The following TCIRG1 variants were observed in gnomAD, a reference collection of about 807,000 sequenced individuals.
TCIRG1 encodes V-type proton ATPase 116 kDa subunit a 3.
TCIRG1 carries 86 observed loss-of-function variants against 95.5 expected under a neutral mutation model. That is an observed-to-expected ratio of 0.90 (90% CI 0.76 to 1.08). The LOEUF is 1.08. TCIRG1 is among the 50% of genes least tolerant of loss of function. The probability of loss-of-function intolerance (pLI) is 0.00; values close to 1 mark genes in which losing one functional copy is unlikely to be tolerated. For synonymous variants in TCIRG1, 499 were observed against 501.3 expected, an observed-to-expected ratio of 1.00 and a Z score of 0.06; for missense variants, 1,069 against 1,140.2, an observed-to-expected ratio of 0.94 and a Z score of 0.90.
chr11:68,044,676 G>A (rs907417659), intron 9 of TCIRG1: 14 of 574,532 alleles, frequency 2.4e-5, no homozygotes, highest in South Asian at 1.2e-4. Context: ...GGGGTCACCC[G>A]CCGCGCACAG....
intron 9 of TCIRG1, chr11:68,044,713 CCTT>C: frequency 3.3e-6 from 2 of 607,346 alleles, no homozygotes; most frequent in South Asian, 3.9e-5. Context: ...AGGCTGGGCT[CCTT>C]CTCCTGGGCC....
downstream of TCIRG1, chr11:68,053,487 C>T (rs1469779927): frequency 2.6e-5 from 4 of 152,922 alleles, no homozygotes; most frequent in African/African-American, 9.6e-5. Flanking sequence ...CAGAGGCCAC[C>T]TTGCAGCAGT....
rs2134430618 is a variant in TCIRG1 at position 68,041,325 on chromosome 11, C to T, written c.54C>T (p.Pro18=). The T allele has an allele frequency of 6.2e-7, 1 of 1,613,262 alleles. No individual in the cohort carries two copies. The highest frequency in any genetic ancestry group is 2.2e-5 in the East Asian group (1 of 44,884). Residue 18 remains proline (P), a synonymous_variant, in exon 2 of 20, where the codon CCC becomes CCT. Transcript: ENST00000265686. ...EEVALVQLFL[P]TAAAYTCVSR... ...TGGCCCTGGTCCAGCTCTTTCTGCC[C>T]ACAGCGGCTGCCTACACCTGCGTGA...
Position 68,041,258 on chromosome 11 carries a change from C to G in TCIRG1, c.-4-10C>G, listed in dbSNP as rs781772977. The G allele has an allele frequency of 1.0e-5, 16 of 1,597,290 alleles. No homozygotes were observed. Among genetic ancestry groups the G allele is most frequent in the Admixed American group, 3.3e-5 (2 of 60,008 alleles). On this transcript the variant is annotated splice_polypyrimidine_tract_variant and intron_variant, in intron 1 of 19. Coordinates refer to ENST00000265686, the MANE Select transcript of TCIRG1 (RefSeq NM_006019.4). ...GCCCCTGACTGGCCCCCATCCGTGT[C>G]CACCCACAGGACCATGGGCTCCATG...
In TCIRG1 at chr11:68,050,040, G is replaced by C; in HGVS notation, c.2092G>C (p.Gly698Arg). 6.2e-7 allele frequency: 1 copy of C among 1,613,424 alleles called. No homozygotes were observed. The highest frequency in any genetic ancestry group is 1.1e-5 in the South Asian group (1 of 91,076). ...GAGCTCCGATGAGGAAAAGGCAGGGGGCCTGGATGATGAAGAGGAGGCCGA... is the reference window on the plus strand; with the variant it reads ...GAGCTCCGATGAGGAAAAGGCAGGGCGCCTGGATGATGAAGAGGAGGCCGA... The part of the protein sequence containing the change: ...GWSSDEEKAG[G>R]LDDEEEAELV... The change falls in exon 17 of 20, where the codon GGC becomes CGC. Residue 698 changes from glycine (G) to arginine (R), a missense_variant. Gly to Arg is a moderately radical substitution (Grantham distance 125, BLOSUM62 -2). Transcript: ENST00000265686.
At chr11:68,040,680 C>A (rs1196044251) in intron 1 of TCIRG1, among the ~76,000 whole-genome samples, 1 of 152,224 alleles carries the variant, frequency 6.6e-6, no homozygotes, top group Non-Finnish European at 1.5e-5. Context: ...CCCTTCCCCG[C>A]CATTCTGTAG....
At position 68,049,077 on chromosome 11, in the gene TCIRG1, C is replaced by T. The variant is rs1466108568; in HGVS notation, c.1674-4C>T. On this transcript the variant is annotated splice_region_variant and splice_polypyrimidine_tract_variant and intron_variant, in intron 14 of 19. Transcript: ENST00000265686. ...AGTGAGCACACCTCCCTCTTGCCCGCCAGGCACTTTGGCCAGAGGCACCGG... is the reference window on the plus strand; with the variant it reads ...AGTGAGCACACCTCCCTCTTGCCCGTCAGGCACTTTGGCCAGAGGCACCGG... The T allele has an allele frequency of 6.2e-7, 1 of 1,613,342 alleles. No homozygotes were observed. The highest frequency in any genetic ancestry group is 1.7e-5 in the Admixed American group (1 of 60,032).
At chr11:68,044,698 G>C in intron 9 of TCIRG1, 1 of 596,976 alleles carries the variant, frequency 1.7e-6, no homozygotes, top group Non-Finnish European at 3.0e-6. Context: ...AGGTGCTTGC[G>C]GGTGAGGCTG....
intron 10 of TCIRG1, among the ~76,000 whole-genome samples, chr11:68,045,778 C>T (rs1254796983): frequency 6.6e-6 from 1 of 152,164 alleles, no homozygotes; most frequent in Non-Finnish European, 1.5e-5. Flanking sequence ...GTCTTGAACC[C>T]CCGACCTCAC....
intron 2 of TCIRG1, 82 bp downstream of exon 2, chr11:68,041,470 C>T (rs999154250): frequency 2.9e-6 from 3 of 1,043,802 alleles, no homozygotes; most frequent in African/African-American, 3.2e-5. Flanking sequence ...ACTGCCCCCC[C>T]TCCGCCATAG....
chr11:68,047,006 CTTTTTT>C (rs5792432), intron 10 of TCIRG1: 11 of 329,520 alleles, frequency 3.3e-5, no homozygotes, highest in East Asian at 2.5e-4. Flanking sequence ...GTGGTGGGTT[CTTTTTT>C]TTTTTTTTTT....
In TCIRG1 at chr11:68,050,889, C is replaced by G; in HGVS notation, c.*70C>G. 1.3e-6 allele frequency: 2 copies of G among 1,537,176 alleles called. No homozygotes were observed. Among genetic ancestry groups the G allele is most frequent in the Non-Finnish European group, 8.9e-7 (1 of 1,122,368 alleles). On this transcript the variant is annotated 3_prime_UTR_variant, in exon 20 of 20. Transcript: ENST00000265686. ...CAGGAGAGGAATAAAGACGGTCCGCCCTGGCAGTGATGTCTCGTCTCTCTT... is the reference window on the plus strand; with the variant it reads ...CAGGAGAGGAATAAAGACGGTCCGCGCTGGCAGTGATGTCTCGTCTCTCTT...
chr11:68,053,350 C>T (rs1855871257), downstream of TCIRG1: 3 of 152,662 alleles, frequency 2.0e-5, no homozygotes, highest in African/African-American at 7.2e-5. Flanking sequence ...CAGTGTCACA[C>T]ACGCCCAGCA....
chr11:68,049,246 G>A lies in TCIRG1; in HGVS notation c.1839G>A (p.Met613Ile), dbSNP rs1855666284. The A allele has an allele frequency of 1.2e-6, 2 of 1,613,498 alleles. No individual in the cohort carries two copies. Among genetic ancestry groups the A allele is most frequent in the African/African-American group, 1.3e-5 (1 of 74,952 alleles). ...GCATCCTCATCCACTTCATCAACAT[G>A]TTCCTCTTCTCCCACAGCCCCAGCA... ...APSILIHFIN[M>I]FLFSHSPSNR... The change falls in exon 15 of 20, where the codon ATG becomes ATA. Residue 613 changes from methionine (M) to isoleucine (I), a missense_variant. Coordinates refer to ENST00000265686, the MANE Select transcript of TCIRG1 (RefSeq NM_006019.4).
At position 68,050,015 on chromosome 11, in the gene TCIRG1, G is replaced by C; in HGVS notation, c.2067G>C (p.Trp689Cys). The part of the protein sequence containing the change: ...LDLPDASVNG[W>C]SSDEEKAGGL... Reference sequence around the variant, plus strand: ...TGCCTGACGCATCTGTGAATGGCTGGAGCTCCGATGAGGAAAAGGCAGGGG... The same window carrying C: ...TGCCTGACGCATCTGTGAATGGCTGCAGCTCCGATGAGGAAAAGGCAGGGG... Residue 689 changes from tryptophan (W) to cysteine (C), a missense_variant, in exon 17 of 20, where the codon TGG becomes TGC. Transcript: ENST00000265686. 1 of 1,613,308 alleles carries C rather than the reference G, an allele frequency of 6.2e-7. No homozygotes were observed. The highest frequency in any genetic ancestry group is 1.1e-5 in the South Asian group (1 of 91,068).
chr11:68,042,190 G>A (rs1290636253), intron 3 of TCIRG1, among the ~76,000 whole-genome samples: 1 of 152,160 alleles, frequency 6.6e-6, no homozygotes, highest in Admixed American at 6.5e-5. Context: ...TGGGGCCCAG[G>A]ATCTAGGGTA....
chr11:68,050,217 C>T lies in TCIRG1; in HGVS notation c.2199C>T (p.Ser733=), dbSNP rs781421791. ...TGGGCTGCGTCTCCAACACCGCCTC[C>T]TACCTGCGCCTGTGGGCCCTGAGCC... The part of the protein sequence containing the change: ...FCLGCVSNTA[S]YLRLWALSLA... The change falls in exon 18 of 20, where the codon TCC becomes TCT. Residue 733 remains serine (S), a synonymous_variant. Coordinates refer to ENST00000265686, the MANE Select transcript of TCIRG1 (RefSeq NM_006019.4). 2 of 1,613,442 alleles carry T rather than the reference C, an allele frequency of 1.2e-6. No individual in the cohort carries two copies. Among genetic ancestry groups the T allele is most frequent in the Non-Finnish European group, 1.7e-6 (2 of 1,179,926 alleles).
At chr11:68,047,850 AG>A in intron 12 of TCIRG1, 31 bp from the exon 13 acceptor site, 1 of 1,612,930 alleles carries the variant, frequency 6.2e-7, no homozygotes, top group South Asian at 1.1e-5. Context: ...CAGCACCCGC[AG>A]CCCTGACCGC....
At chr11:68,044,488 C>T (rs1051658304) in intron 9 of TCIRG1, 144 bp downstream of exon 9, 7 of 713,822 alleles carry the variant, frequency 9.8e-6, no homozygotes, top group Admixed American at 4.4e-5. Flanking sequence ...CATGGCCCAC[C>T]GCTTCCAGGG....
Sources: allele counts gnomAD v4.1 joint callset (sites outside exome capture counted in the v4.1 genomes callset), GRCh38; gene constraint gnomAD v4.1.1; transcripts MANE v1.5; gene names NCBI Gene and HGNC (gene_info 2026-07-23, HGNC 2026-07-21).